PIP4K2A: variants seen among roughly 807,000 people sequenced by gnomAD.
The protein encoded by PIP4K2A is phosphatidylinositol 5-phosphate 4-kinase type-2 alpha.
Under a neutral mutation model 42.9 loss-of-function variants are expected in PIP4K2A, and 14 were observed. The ratio of observed to expected loss-of-function variants is 0.33; its 90% CI spans 0.22 to 0.51. The LOEUF (loss-of-function observed/expected upper bound fraction) is 0.51, where lower values mean the gene tolerates loss of function less well. PIP4K2A is among the 20% of genes least tolerant of loss of function. The pLI, the probability that PIP4K2A is intolerant of heterozygous loss-of-function variation, is 0.97. For synonymous variants in PIP4K2A, 192 were observed against 192.2 expected (o/e 1.00, Z 0.01); for missense variants, 434 against 519.8 (o/e 0.83, Z 1.61).
chr10:22,690,496 T>A (rs1229881802), intron 1 of PIP4K2A, among the ~76,000 whole-genome samples: 1 of 152,184 alleles, frequency 6.6e-6, no homozygotes, highest in African/African-American at 2.4e-5. Flanking sequence ...AAATACTAAA[T>A]AAAATTTTGA....
chr10:22,700,052 C>T (rs935543285), intron 1 of PIP4K2A, among the ~76,000 whole-genome samples: 2 of 152,130 alleles, frequency 1.3e-5, no homozygotes, highest in African/African-American at 2.4e-5. Flanking sequence ...TTGGAGAGAA[C>T]CCTGAAATGA....
intron 1 of PIP4K2A, among the ~76,000 whole-genome samples, chr10:22,610,819 T>C (rs551937968): frequency 2.0e-5 from 3 of 152,304 alleles, no homozygotes; most frequent in African/African-American, 7.2e-5. Flanking sequence ...CCTTTGAAAG[T>C]GGCCCCAACA....
chr10:22,594,650 T>C lies in PIP4K2A; in HGVS notation c.340-2869A>G, dbSNP rs569102125. ...GCCTCAAGTGATCTATCTGCCTGCCTTGGCCTCCCAAAGTGCTGGGATTAC... is the reference window on the plus strand; with the variant it reads ...GCCTCAAGTGATCTATCTGCCTGCCCTGGCCTCCCAAAGTGCTGGGATTAC... On this transcript the variant is annotated intron_variant, in intron 3 of 9. Transcript: ENST00000376573. Among the ~76,000 whole-genome samples, 32 of 152,360 alleles carry C rather than the reference T, an allele frequency of 2.1e-4. 1 individual carries two copies. In the South Asian group the frequency reaches 6.6e-3, roughly 32 times the overall value.
At chr10:22,557,219 C>T (rs1022708986) in intron 6 of PIP4K2A, among the ~76,000 whole-genome samples, 4 of 152,092 alleles carry the variant, frequency 2.6e-5, no homozygotes, top group Admixed American at 1.3e-4. Context: ...AAACACATGC[C>T]GCCTTTTAGC....
chr10:22,653,568 G>C (rs1277850574), intron 1 of PIP4K2A, among the ~76,000 whole-genome samples: 1 of 152,174 alleles, frequency 6.6e-6, no homozygotes, highest in Non-Finnish European at 1.5e-5. Context: ...GTAGGGCCCT[G>C]GTGCTTTGGA....
At chr10:22,602,403 A>G (rs1461968096) in intron 3 of PIP4K2A, among the ~76,000 whole-genome samples, 5 of 151,604 alleles carry the variant, frequency 3.3e-5, no homozygotes, top group South Asian at 2.1e-4. Flanking sequence ...ATAAAAAAAA[A>G]AAAAGAAAAG....
At chr10:22,638,020 C>T (rs1046512839) in intron 1 of PIP4K2A, among the ~76,000 whole-genome samples, 2 of 152,136 alleles carry the variant, frequency 1.3e-5, no homozygotes, top group African/African-American at 4.8e-5. Flanking sequence ...TGCCGCAATT[C>T]GATCGGCTAA....
At chr10:22,671,454 A>G (rs540144574) in intron 1 of PIP4K2A, among the ~76,000 whole-genome samples, 24 of 152,292 alleles carry the variant, frequency 1.6e-4, no homozygotes, top group African/African-American at 5.8e-4. Flanking sequence ...CTGAATCCTC[A>G]GAATCACACT....
intron 5 of PIP4K2A, among the ~76,000 whole-genome samples, chr10:22,571,559 A>G (rs1181907927): frequency 6.6e-6 from 1 of 152,252 alleles, no homozygotes; most frequent in African/African-American, 2.4e-5. Context: ...TGGCAAGTGC[A>G]TGCCTTGGCA....
chr10:22,626,978 T>C (rs548427336), intron 1 of PIP4K2A, among the ~76,000 whole-genome samples: 23 of 152,318 alleles, frequency 1.5e-4, no homozygotes, highest in African/African-American at 5.3e-4. Flanking sequence ...CTGCTACTAG[T>C]TGTTTTCATT....
intron 2 of PIP4K2A, 55 bp from the exon 3 acceptor site, chr10:22,608,078 C>G (rs1380435229): frequency 1.8e-6 from 2 of 1,126,536 alleles, no homozygotes; most frequent in African/African-American, 3.0e-5. Context: ...AGACTTGCAT[C>G]TGCCACCACT....
intron 3 of PIP4K2A, among the ~76,000 whole-genome samples, chr10:22,593,891 C>T (rs994977102): frequency 5.9e-5 from 9 of 152,212 alleles, no homozygotes; most frequent in Admixed American, 3.3e-4. Flanking sequence ...GAACTGTATT[C>T]AGCACAGGAT....
chr10:22,599,053 C>G (rs529396699), intron 3 of PIP4K2A, among the ~76,000 whole-genome samples: 5 of 150,888 alleles, frequency 3.3e-5, no homozygotes, highest in African/African-American at 9.7e-5. Context: ...TTGGGAAAAA[C>G]TGTCTCTTAT....
chr10:22,686,212 C>T (rs1235921352), intron 1 of PIP4K2A, among the ~76,000 whole-genome samples: 2 of 152,284 alleles, frequency 1.3e-5, no homozygotes, highest in Admixed American at 6.5e-5. Flanking sequence ...AGGCAGTTGG[C>T]CAAATCCTTG....
chr10:22,566,019 A>G (rs1020442001), intron 6 of PIP4K2A, among the ~76,000 whole-genome samples: 2 of 152,114 alleles, frequency 1.3e-5, no homozygotes, highest in Non-Finnish European at 2.9e-5. Context: ...GTGGTGCCCG[A>G]AACTTCATTA....
intron 1 of PIP4K2A, among the ~76,000 whole-genome samples, chr10:22,689,631 T>G (rs532096418): frequency 6.6e-6 from 1 of 152,150 alleles, no homozygotes; most frequent in African/African-American, 2.4e-5. Flanking sequence ...GATTTTGGTA[T>G]GGGGAGTGGT....
chr10:22,703,940 C>T (rs893737800), intron 1 of PIP4K2A, among the ~76,000 whole-genome samples: 7 of 152,014 alleles, frequency 4.6e-5, no homozygotes, highest in African/African-American at 7.2e-5. Context: ...TTTTCTGAGA[C>T]GGGAAGAGGC....
intron 1 of PIP4K2A, among the ~76,000 whole-genome samples, chr10:22,627,772 G>C: frequency 6.6e-6 from 1 of 152,096 alleles, no homozygotes; most frequent in Non-Finnish European, 1.5e-5. Flanking sequence ...GAATCCCCAT[G>C]ATATTCTTTA....
chr10:22,567,048 A>C (rs1337958712), intron 6 of PIP4K2A, among the ~76,000 whole-genome samples: 1 of 152,240 alleles, frequency 6.6e-6, no homozygotes, highest in Non-Finnish European at 1.5e-5. Flanking sequence ...TAAAAGAACA[A>C]CTTTCAAACA....
Sources: gnomAD v4.1 joint callset for allele counts (sites outside exome capture counted in the v4.1 genomes callset) on GRCh38, gnomAD v4.1.1 for gene constraint, MANE v1.5 for transcripts, NCBI Gene and HGNC (gene_info 2026-07-23, HGNC 2026-07-21) for gene names.